The following KLK15 variants were observed in gnomAD, a reference collection of about 807,000 sequenced individuals.
KLK15 encodes the protein kallikrein-15.
Under a neutral mutation model 21.1 loss-of-function variants are expected in KLK15, and 19 were observed. That is an observed-to-expected ratio of 0.90 (90% confidence interval 0.63 to 1.32). The LOEUF (loss-of-function observed/expected upper bound fraction) is 1.32. KLK15 is among the 40% of genes most tolerant of loss of function. The pLI, the probability that KLK15 is intolerant of heterozygous loss-of-function variation, is 0.00. For synonymous variants in KLK15, 141 were observed against 141.5 expected (o/e 1.00, Z 0.03); for missense variants, 345 against 348.6 (o/e 0.99, Z 0.08).
At chr19:50,827,680 G>A (rs1383374843) in exon 2 of KLK15, 1 of 1,610,862 alleles carries the variant, frequency 6.2e-7, no homozygotes, top group Non-Finnish European at 8.5e-7. Context: ...GCAGTGGGCC[G>A]CAGACAGCAC....
At chr19:50,830,300 C>T (rs1319414355) in intron 1 of KLK15, among the ~76,000 whole-genome samples, 2 of 151,804 alleles carry the variant, frequency 1.3e-5, no homozygotes, top group Non-Finnish European at 2.9e-5. Flanking sequence ...CATGCACACT[C>T]CCACCCACAC....
chr19:50,827,623 A>T (rs2089906742), intron 2 of KLK15, 39 bp downstream of exon 3: 3 of 1,593,260 alleles, frequency 1.9e-6, no homozygotes, highest in African/African-American at 2.7e-5. Flanking sequence ...TTCCCCCCGA[A>T]CCAGGCTCCC....
intron 4 of KLK15, 43 bp from the exon 6 acceptor site, chr19:50,825,991 G>C (rs1435978108): frequency 6.4e-7 from 1 of 1,570,318 alleles, no homozygotes; most frequent in African/African-American, 1.4e-5. Flanking sequence ...GAAACCTCCT[G>C]GATTCATCCT....
At chr19:50,829,091 G>C (rs1452001838) in intron 1 of KLK15, among the ~76,000 whole-genome samples, 1 of 148,746 alleles carries the variant, frequency 6.7e-6, no homozygotes, top group Non-Finnish European at 1.5e-5. Context: ...CACACACACA[G>C]AATTGGATAT....
chr19:50,831,793 T>G (rs55786312), upstream of KLK15, among the ~76,000 whole-genome samples: 1 of 149,614 alleles, frequency 6.7e-6, no homozygotes, highest in Non-Finnish European at 1.5e-5. Context: ...CTCTCCATCA[T>G]CACCAAGGAC....
At chr19:50,831,551 G>A (rs1238745716), upstream of KLK15, 13 of 1,370,122 alleles carry the variant, frequency 9.5e-6, no homozygotes, top group Non-Finnish European at 1.2e-5. Context: ...GAATCCAGGT[G>A]AGGCAGGACC....
intron 2 of KLK15, 133 bp downstream of exon 3, chr19:50,827,529 A>G: frequency 2.2e-6 from 2 of 901,644 alleles, no homozygotes; most frequent in Admixed American, 2.7e-5. Flanking sequence ...TTCCTAACCC[A>G]GGGGCTTGAC....
At chr19:50,831,543 A>C, upstream of KLK15, 1 of 1,412,858 alleles carries the variant, frequency 7.1e-7, no homozygotes, top group Non-Finnish European at 9.3e-7. Context: ...GAGTGAGAGA[A>C]TCCAGGTGAG....
chr19:50,829,502 C>G (rs2089944743), intron 1 of KLK15, among the ~76,000 whole-genome samples: 1 of 151,762 alleles, frequency 6.6e-6, no homozygotes, highest in Admixed American at 6.6e-5. Flanking sequence ...AATAAATAGT[C>G]AAGGTTGGCC....
intron 4 of KLK15, 74 bp from the exon 6 acceptor site, chr19:50,826,022 A>G (rs1428090588): frequency 1.5e-5 from 21 of 1,442,754 alleles, no homozygotes; most frequent in South Asian, 6.4e-5. Flanking sequence ...ACCATTTGCA[A>G]TCTCACCCCA....
intron 1 of KLK15, among the ~76,000 whole-genome samples, chr19:50,829,008 G>C (rs998692193): frequency 7.1e-6 from 1 of 140,342 alleles, no homozygotes; most frequent in Non-Finnish European, 1.5e-5. Flanking sequence ...TCACAGCACA[G>C]ATGTTCATAT....
chr19:50,829,047 T>C (rs893868864), intron 1 of KLK15, among the ~76,000 whole-genome samples: 3 of 111,250 alleles, frequency 2.7e-5, no homozygotes, highest in Admixed American at 8.3e-5. Flanking sequence ...GGTTAAGACA[T>C]GAATACATAC....
At chr19:50,827,092 C>G in exon 3 of KLK15, 1 of 1,605,830 alleles carries the variant, frequency 6.2e-7, no homozygotes. Flanking sequence ...TGACCCGAGA[C>G]GTGGTCCGTA....
chr19:50,825,533 T>A, downstream of KLK15: 1 of 325,810 alleles, frequency 3.1e-6, no homozygotes, highest in Non-Finnish European at 5.7e-6. Context: ...CAGTGTACAG[T>A]GTCTCGGGGT....
chr19:50,826,528 C>G, intron 4 of KLK15, 93 bp downstream of exon 5: 1 of 1,433,646 alleles, frequency 7.0e-7, no homozygotes, highest in Non-Finnish European at 9.3e-7. Context: ...AGCATCTTCT[C>G]TGGCCCAAAG....
intron 1 of KLK15, 68 bp downstream of exon 2, chr19:50,831,382 G>C: frequency 8.5e-7 from 1 of 1,172,544 alleles, no homozygotes; most frequent in Non-Finnish European, 1.1e-6. Flanking sequence ...CAGATCACTG[G>C]GCCCAGACAT....
chr19:50,831,293 G>C, intron 1 of KLK15, 157 bp downstream of exon 2: 1 of 490,264 alleles, frequency 2.0e-6, no homozygotes, highest in Non-Finnish European at 3.4e-6. Flanking sequence ...AGCACCTGAC[G>C]GTAAGGGCTT....
Position 50,826,358 on chromosome 19 carries a change from A to T in KLK15, c.618+263T>A, listed in dbSNP as rs2089878706. 1.3e-5 allele frequency: 6 copies of T among 475,186 alleles called. No homozygotes were observed. In the East Asian group the frequency reaches 2.0e-4, roughly 16 times the overall value. 29.4% of individuals were successfully genotyped at this position (475,186 alleles called of 1,614,324 possible). ...CAACCCTGACGTATTTCCCACCCAG[A>T]ATCAAACCAAACCATTCCCATTCTC... On this transcript the variant is annotated intron_variant, in intron 4 of 4. Transcript: ENST00000598239.
intron 4 of KLK15, chr19:50,826,323 C>T (rs753194212): frequency 2.2e-6 from 1 of 459,014 alleles, no homozygotes; most frequent in Non-Finnish European, 3.8e-6. Flanking sequence ...AAATCTACCT[C>T]ATCCCAATTC....
Sources: allele counts gnomAD v4.1 joint callset (sites outside exome capture counted in the v4.1 genomes callset), GRCh38; gene constraint gnomAD v4.1.1; transcripts MANE v1.5; gene names NCBI Gene and HGNC (gene_info 2026-07-23, HGNC 2026-07-21).